TAFA1: variants seen among roughly 807,000 people sequenced by gnomAD.
TAFA1 encodes chemokine-like protein TAFA-1.
A neutral mutation model predicts 18.5 loss-of-function variants in TAFA1; 4 were observed. That is an observed-to-expected ratio of 0.22 (90% CI 0.11 to 0.49). The LOEUF (loss-of-function observed/expected upper bound fraction) is 0.49. TAFA1 is among the 20% of genes least tolerant of loss of function. The probability of loss-of-function intolerance (pLI) is 0.98; values close to 1 mark genes in which losing one functional copy is unlikely to be tolerated. For synonymous variants in TAFA1, 56 were observed against 55.2 expected (o/e 1.01, Z -0.06); for missense variants, 147 against 169.0 (o/e 0.87, Z 0.72).
intron 3 of TAFA1, among the ~76,000 whole-genome samples, chr3:68,485,922 T>C (rs893000158): frequency 1.3e-5 from 2 of 152,102 alleles, no homozygotes; most frequent in African/African-American, 4.8e-5. Flanking sequence ...TGGAGAACTT[T>C]CCTTCACTGA....
At chr3:68,033,565 T>C (rs764360529) in intron 2 of TAFA1, among the ~76,000 whole-genome samples, 34 of 152,212 alleles carry the variant, frequency 2.2e-4, no homozygotes, top group Non-Finnish European at 4.9e-4. Flanking sequence ...TCTGAGAGCA[T>C]TGTACTTTTA....
intron 2 of TAFA1, among the ~76,000 whole-genome samples, chr3:68,009,630 A>C (rs1051873342): frequency 4.6e-5 from 7 of 152,238 alleles, no homozygotes; most frequent in Admixed American, 2.0e-4. Context: ...CTTAACATCC[A>C]ATAGTTCTAT....
At chr3:68,304,664 A>G (rs889366553) in intron 2 of TAFA1, among the ~76,000 whole-genome samples, 3 of 152,248 alleles carry the variant, frequency 2.0e-5, no homozygotes, top group African/African-American at 7.2e-5. Flanking sequence ...TATAATAGAA[A>G]AATACTTAAT....
At chr3:68,175,330 C>G (rs1164142595) in intron 2 of TAFA1, among the ~76,000 whole-genome samples, 1 of 152,184 alleles carries the variant, frequency 6.6e-6, no homozygotes, top group Non-Finnish European at 1.5e-5. Context: ...AATGGTAGAT[C>G]CACTGACAGC....
intron 3 of TAFA1, among the ~76,000 whole-genome samples, chr3:68,538,544 C>T (rs1392582997): frequency 6.6e-6 from 1 of 152,148 alleles, no homozygotes; most frequent in African/African-American, 2.4e-5. Context: ...AAAAATGCTG[C>T]TTGATGAAAC....
At chr3:68,327,228 A>T (rs922641046) in intron 2 of TAFA1, among the ~76,000 whole-genome samples, 2 of 152,092 alleles carry the variant, frequency 1.3e-5, no homozygotes, top group Non-Finnish European at 2.9e-5. Flanking sequence ...TCCTTTATAA[A>T]TTGTCAGTCT....
chr3:68,425,483 A>G (rs1403683405), intron 3 of TAFA1, among the ~76,000 whole-genome samples: 1 of 151,926 alleles, frequency 6.6e-6, no homozygotes, highest in Non-Finnish European at 1.5e-5. Context: ...TAGTGAAGTG[A>G]TGGCATTTTC....
intron 2 of TAFA1, among the ~76,000 whole-genome samples, chr3:68,091,635 A>G (rs2065030736): frequency 6.6e-6 from 1 of 152,154 alleles, no homozygotes; most frequent in East Asian, 1.9e-4. Context: ...ATACTCATTA[A>G]TTTTGATAAA....
At chr3:68,288,686 T>A (rs2068058982) in intron 2 of TAFA1, among the ~76,000 whole-genome samples, 1 of 152,222 alleles carries the variant, frequency 6.6e-6, no homozygotes, top group Non-Finnish European at 1.5e-5. Context: ...TTTGATTCTT[T>A]GTTTATTCGT....
chr3:68,145,574 A>T, intron 2 of TAFA1: 1 of 1,485,920 alleles, frequency 6.7e-7, no homozygotes, highest in Non-Finnish European at 9.4e-7. Flanking sequence ...ACTTCCCCCA[A>T]TACCCAATGA....
intron 2 of TAFA1, among the ~76,000 whole-genome samples, chr3:68,222,073 T>C (rs553031852): frequency 6.6e-6 from 1 of 152,324 alleles, no homozygotes; most frequent in East Asian, 1.9e-4. Flanking sequence ...TTCATAATTC[T>C]ATTGAGGATG....
intron 2 of TAFA1, among the ~76,000 whole-genome samples, chr3:68,100,684 T>G (rs2065137409): frequency 6.6e-6 from 1 of 152,222 alleles, no homozygotes; most frequent in Non-Finnish European, 1.5e-5. Context: ...AAAGGCATAT[T>G]TCCTGATATC....
rs1559517540 is a variant in TAFA1, at chr3:68,092,928, GA to G, written c.118+86189del. ...GTCTCTGCTGAACAAGGCTGGCTGG[GA>G]AAAACTTAATTTTAAGTATTTTATT... On this transcript the variant is annotated intron_variant, in intron 2 of 4. Coordinates refer to ENST00000478136, the MANE Select transcript of TAFA1 (RefSeq NM_213609.4). 2.0e-5 allele frequency among the ~76,000 whole-genome samples: 3 copies of G among 152,190 alleles called. No individual in the cohort carries two copies. In the South Asian group the frequency reaches 6.2e-4, roughly 32 times the overall value.
chr3:68,299,341 C>G (rs1430957186), intron 2 of TAFA1, among the ~76,000 whole-genome samples: 1 of 152,196 alleles, frequency 6.6e-6, no homozygotes, highest in Non-Finnish European at 1.5e-5. Flanking sequence ...GATCTGTGAA[C>G]TTTGAACTTG....
intron 2 of TAFA1, among the ~76,000 whole-genome samples, chr3:68,304,346 TAA>T (rs146642020): frequency 0.098 from 14,871 of 152,232 alleles, 1,138 homozygotes; most frequent in East Asian, 0.35. Context: ...ATCTTCTTTG[TAA>T]AGTTTTCTTT....
At chr3:68,485,513 A>C (rs758212348) in intron 3 of TAFA1, among the ~76,000 whole-genome samples, 6 of 152,184 alleles carry the variant, frequency 3.9e-5, no homozygotes, top group Non-Finnish European at 8.8e-5. Flanking sequence ...GCAATATTGA[A>C]ACCCAAGTTT....
chr3:68,331,786 A>G (rs559603603), intron 2 of TAFA1, among the ~76,000 whole-genome samples: 26 of 151,958 alleles, frequency 1.7e-4, no homozygotes, highest in Admixed American at 1.2e-3. Context: ...AAACCCATTC[A>G]TATATGGTAA....
At chr3:67,996,814 A>G in the TAFA1 span, among the ~76,000 whole-genome samples, 1 of 151,564 alleles carries the variant, frequency 6.6e-6, no homozygotes. Context: ...AAATAAGAAA[A>G]AAAAAAATGG....
chr3:68,529,436 TA>T lies in TAFA1; in HGVS notation c.260-9290del, dbSNP rs533214097. On this transcript the variant is annotated intron_variant, in intron 3 of 4. Coordinates refer to ENST00000478136, the MANE Select transcript of TAFA1 (RefSeq NM_213609.4). ...CATGGAATCTAGATTCACCATTCTC[TA>T]AAAAAAAAAAAAAAAAAAAAAAAAA... is the stretch of plus-strand genomic sequence containing the variant. Among the ~76,000 whole-genome samples the T allele has an allele frequency of 7.8e-3, 597 of 76,948 alleles. 3 individuals are homozygous for T. The highest frequency in any genetic ancestry group is 0.022 in the African/African-American group (490 of 21,958). The allele number at this position is 76,948 out of a possible 152,430, so 50.5% of individuals were successfully genotyped here.
Sources: gnomAD v4.1 joint callset for allele counts (sites outside exome capture counted in the v4.1 genomes callset) on GRCh38, gnomAD v4.1.1 for gene constraint, MANE v1.5 for transcripts, NCBI Gene and HGNC (gene_info 2026-07-23, HGNC 2026-07-21) for gene names.